Variants in CFAP221 observed in about 807,000 individuals in gnomAD.
CFAP221 encodes cilia and flagella associated protein 221.
CFAP221 carries 97 observed loss-of-function variants against 113.1 expected under a neutral mutation model. The ratio of observed to expected loss-of-function variants is 0.86; its 90% CI spans 0.73 to 1.02. The LOEUF is 1.02. Among genes scored for constraint, CFAP221 ranks in the 50% least tolerant of loss-of-function variants. CFAP221 has a pLI of 0.00. For missense variants in CFAP221, 1,025 were observed against 1,013.4 expected (o/e 1.01, Z -0.16); for synonymous variants, 331 against 354.4 (o/e 0.93, Z 0.74).
chr2:119,591,434 T>G (rs2104630294), intron 7 of CFAP221, among the ~76,000 whole-genome samples: 1 of 152,328 alleles, frequency 6.6e-6, no homozygotes, highest in South Asian at 2.1e-4. Context: ...AATATACCCT[T>G]GATGGGTGGC....
chr2:119,585,404 T>C (rs1454035759), intron 6 of CFAP221, among the ~76,000 whole-genome samples: 2 of 152,186 alleles, frequency 1.3e-5, no homozygotes, highest in African/African-American at 4.8e-5. Flanking sequence ...ATTTCAATTT[T>C]CTCCGAAATA....
chr2:119,629,199 T>C (rs548745954), intron 16 of CFAP221, among the ~76,000 whole-genome samples: 79 of 152,350 alleles, frequency 5.2e-4, no homozygotes, highest in Non-Finnish European at 1.1e-3. Flanking sequence ...GGTTGTATGC[T>C]ATTTTTTGAG....
At chr2:119,613,997 T>TA (rs1161396268) in intron 13 of CFAP221, among the ~76,000 whole-genome samples, 6 of 152,242 alleles carry the variant, frequency 3.9e-5, no homozygotes, top group Non-Finnish European at 8.8e-5. Context: ...ACTCTGCTGT[T>TA]TAGAAATTAC....
chr2:119,643,998 CA>C (rs2104799117), intron 21 of CFAP221, among the ~76,000 whole-genome samples: 1 of 151,954 alleles, frequency 6.6e-6, no homozygotes, highest in South Asian at 2.1e-4. Flanking sequence ...ACTAAAAATA[CA>C]AAAATTAGTT....
chr2:119,647,030 C>T lies in CFAP221; in HGVS notation c.2298C>T (p.Asp766=). ...PAILDALPEE[D]RLETVERELC... ...TCCTTGATGCCTTACCAGAAGAGGA[C>T]AGACTAGAAACAGTAGAACGGTATT... The change falls in exon 22 of 24, where the codon GAC becomes GAT. Residue 766 remains aspartate, a synonymous_variant. Coordinates refer to ENST00000413369, the MANE Select transcript of CFAP221 (RefSeq NM_001271049.2). 1 of 1,608,720 alleles carries T rather than the reference C, an allele frequency of 6.2e-7. No individual in the cohort carries two copies. Among genetic ancestry groups the T allele is most frequent in the Non-Finnish European group, 8.5e-7 (1 of 1,177,834 alleles).
intron 6 of CFAP221, among the ~76,000 whole-genome samples, chr2:119,583,145 G>T (rs2104604352): frequency 6.6e-6 from 1 of 151,930 alleles, no homozygotes; most frequent in Non-Finnish European, 1.5e-5. Flanking sequence ...TTAACGAAAA[G>T]AAAACTCATT....
intron 5 of CFAP221, among the ~76,000 whole-genome samples, chr2:119,561,365 A>G (rs1681233484): frequency 6.6e-6 from 1 of 152,182 alleles, no homozygotes; most frequent in African/African-American, 2.4e-5. Context: ...ACAGAAGAAG[A>G]ATGCCTAGAA....
intron 14 of CFAP221, among the ~76,000 whole-genome samples, chr2:119,617,570 G>A (rs1685615011): frequency 6.6e-6 from 1 of 152,212 alleles, no homozygotes; most frequent in Non-Finnish European, 1.5e-5. Flanking sequence ...TTTGTTCTGA[G>A]TAATGGCTCA....
chr2:119,558,061 T>C (rs1175010950), intron 3 of CFAP221, among the ~76,000 whole-genome samples: 2 of 152,112 alleles, frequency 1.3e-5, no homozygotes, highest in Non-Finnish European at 2.9e-5. Context: ...TGCACCCTTG[T>C]TTGTTGCAGT....
intron 20 of CFAP221, among the ~76,000 whole-genome samples, chr2:119,639,080 G>A (rs569482703): frequency 6.6e-6 from 1 of 152,112 alleles, no homozygotes; most frequent in East Asian, 1.9e-4. Context: ...CCCCGGGGGG[G>A]TGGGGGGGCG....
intron 6 of CFAP221, among the ~76,000 whole-genome samples, chr2:119,584,915 A>G (rs1301630942): frequency 6.6e-6 from 1 of 152,250 alleles, no homozygotes; most frequent in Admixed American, 6.5e-5. Context: ...TTACTTTGCT[A>G]CTAACCAGAA....
At chr2:119,649,317 A>C (rs1687987720) in intron 22 of CFAP221, among the ~76,000 whole-genome samples, 1 of 152,228 alleles carries the variant, frequency 6.6e-6, no homozygotes, top group African/African-American at 2.4e-5. Context: ...TAAGCCCATT[A>C]TGAGTAGAAA....
intron 3 of CFAP221, chr2:119,556,386 T>A (rs1275007892): frequency 6.6e-6 from 1 of 152,206 alleles, no homozygotes; most frequent in African/African-American, 2.4e-5. Context: ...AGTCTGTTGT[T>A]TCTTATTTCT....
intron 8 of CFAP221, chr2:119,602,624 A>G: frequency 1.0e-6 from 1 of 985,352 alleles, no homozygotes; most frequent in Non-Finnish European, 1.2e-6. Context: ...AAAGCAGCCT[A>G]AGTCAACTGT....
chr2:119,626,390 T>G (rs1001289069), intron 15 of CFAP221, among the ~76,000 whole-genome samples: 3 of 152,168 alleles, frequency 2.0e-5, no homozygotes, highest in African/African-American at 7.2e-5. Flanking sequence ...GTGCCAGGTT[T>G]GGCTGAAATA....
At chr2:119,581,446 TGA>T (rs950427676) in intron 6 of CFAP221, among the ~76,000 whole-genome samples, 1 of 152,156 alleles carries the variant, frequency 6.6e-6, no homozygotes, top group African/African-American at 2.4e-5. Flanking sequence ...CTCAATAGAC[TGA>T]ATAAACTCTA....
intron 22 of CFAP221, among the ~76,000 whole-genome samples, chr2:119,650,477 C>G (rs1688060593): frequency 6.6e-6 from 1 of 152,238 alleles, no homozygotes; most frequent in African/African-American, 2.4e-5. Flanking sequence ...AACTCCTCCT[C>G]CATTCAGCAC....
intron 15 of CFAP221, 106 bp downstream of exon 15, chr2:119,625,794 A>T (rs556940449): frequency 1.6e-5 from 14 of 878,418 alleles, no homozygotes; most frequent in African/African-American, 1.5e-4. Context: ...AATTTTCACC[A>T]GTCACAAATG....
downstream of CFAP221, among the ~76,000 whole-genome samples, chr2:119,658,619 G>GCGCA (rs1003911785): frequency 6.8e-6 from 1 of 147,660 alleles, no homozygotes; most frequent in African/African-American, 2.5e-5. Context: ...CCCTCAACAC[G>GCGCA]CACACACACA....
Sources: allele counts gnomAD v4.1 joint callset (sites outside exome capture counted in the v4.1 genomes callset), GRCh38; gene constraint gnomAD v4.1.1; transcripts MANE v1.5; gene names NCBI Gene and HGNC (gene_info 2026-07-23, HGNC 2026-07-21).